PTPRD: variants seen among roughly 807,000 people sequenced by gnomAD.
PTPRD encodes the protein receptor-type tyrosine-protein phosphatase delta.
Under a neutral mutation model 214.5 loss-of-function variants are expected in PTPRD, and 34 were observed. The observed-to-expected ratio is 0.16, with a 90% CI of 0.12 to 0.21. PTPRD has a LOEUF of 0.21. Ranked by LOEUF, PTPRD falls within the 10% of genes least tolerant of loss-of-function variation. The pLI is 1.00. For synonymous variants in PTPRD, 1,128 were observed against 845.7 expected (o/e 1.33, Z -5.79); for missense variants, 2,545 against 2,398.7 (o/e 1.06, Z -1.27).
At chr9:8,505,940 C>G (rs760259066) in intron 22 of PTPRD, among the ~76,000 whole-genome samples, 1 of 152,120 alleles carries the variant, frequency 6.6e-6, no homozygotes, top group Admixed American at 6.5e-5. Flanking sequence ...ACAGAAAACA[C>G]CAATAGCTCA....
At chr9:8,984,964 T>G in intron 11 of PTPRD, among the ~76,000 whole-genome samples, 1 of 152,086 alleles carries the variant, frequency 6.6e-6, no homozygotes, top group Admixed American at 6.6e-5. Context: ...TTATTTGGGC[T>G]TTGGAAATGA....
chr9:8,373,101 A>G (rs920996209), intron 39 of PTPRD, among the ~76,000 whole-genome samples: 27 of 152,140 alleles, frequency 1.8e-4, no homozygotes, highest in African/African-American at 5.8e-4. Flanking sequence ...TAACATGGCT[A>G]TTGTGGCTTT....
At chr9:8,920,073 G>T (rs1588045619) in intron 11 of PTPRD, among the ~76,000 whole-genome samples, 1 of 152,094 alleles carries the variant, frequency 6.6e-6, no homozygotes, top group Non-Finnish European at 1.5e-5. Flanking sequence ...GGGTGCAGTG[G>T]CTCACAGCTG....
At chr9:9,785,672 T>C (rs2098917602) in intron 5 of PTPRD, among the ~76,000 whole-genome samples, 1 of 152,052 alleles carries the variant, frequency 6.6e-6, no homozygotes, top group Admixed American at 6.6e-5. Context: ...GTAATTTGGG[T>C]GCTGGAACAG....
chr9:10,194,207 A>T (rs553608390), intron 3 of PTPRD, among the ~76,000 whole-genome samples: 293 of 151,798 alleles, frequency 1.9e-3, no homozygotes, highest in Non-Finnish European at 2.9e-3. Flanking sequence ...TTTATTCTGG[A>T]CTGTCCCTTA....
intron 3 of PTPRD, among the ~76,000 whole-genome samples, chr9:10,317,777 T>C (rs1433733344): frequency 6.6e-6 from 1 of 152,014 alleles, no homozygotes; most frequent in Admixed American, 6.6e-5. Flanking sequence ...GGCCCCAATG[T>C]GGTCTATAAG....
chr9:9,570,449 G>C (rs2086016330), intron 8 of PTPRD, among the ~76,000 whole-genome samples: 1 of 151,476 alleles, frequency 6.6e-6, no homozygotes, highest in African/African-American at 2.4e-5. Flanking sequence ...TATGTGGTTT[G>C]TGTTTCTTAA....
At chr9:9,357,536 T>A (rs1360819829) in intron 9 of PTPRD, among the ~76,000 whole-genome samples, 1 of 151,166 alleles carries the variant, frequency 6.6e-6, no homozygotes, top group East Asian at 1.9e-4. Context: ...TTTGCAGCTT[T>A]CAGAAGACCT....
chr9:9,600,455 A>C (rs892096726), intron 7 of PTPRD, among the ~76,000 whole-genome samples: 1 of 152,068 alleles, frequency 6.6e-6, no homozygotes, highest in Non-Finnish European at 1.5e-5. Context: ...AGGTTTAGGT[A>C]CATCATCGAG....
chr9:9,630,609 T>C (rs1409197174), intron 7 of PTPRD, among the ~76,000 whole-genome samples: 1 of 152,232 alleles, frequency 6.6e-6, no homozygotes, highest in African/African-American at 2.4e-5. Context: ...AAATGCCATT[T>C]AAAAGAGCTG....
intron 14 of PTPRD, among the ~76,000 whole-genome samples, chr9:8,556,553 A>ATTTTATATTTCTTTTTTTTT (rs761184510): frequency 1.4e-3 from 207 of 151,892 alleles, no homozygotes; most frequent in Non-Finnish European, 2.5e-3. Context: ...ATACTTGTGT[A>ATTTTATATTTCTTTTTTTTT]TTTTATATTT....
chr9:10,136,425 TAC>T (rs1365686593), intron 3 of PTPRD, among the ~76,000 whole-genome samples: 2 of 152,120 alleles, frequency 1.3e-5, no homozygotes, highest in Non-Finnish European at 2.9e-5. Context: ...AACCGCAAAG[TAC>T]ACAGTCTTTT....
At chr9:9,400,986 A>G (rs1385833517) in intron 8 of PTPRD, among the ~76,000 whole-genome samples, 1 of 152,012 alleles carries the variant, frequency 6.6e-6, no homozygotes, top group Non-Finnish European at 1.5e-5. Context: ...TAAGTTGGAT[A>G]TTGTCCCAAT....
intron 27 of PTPRD, among the ~76,000 whole-genome samples, chr9:8,491,601 C>G (rs772733272): frequency 4.0e-5 from 6 of 151,354 alleles, no homozygotes; most frequent in Non-Finnish European, 7.4e-5. Context: ...CATCATGCCC[C>G]TCACTGAATA....
At chr9:8,499,239 C>A (rs1224630247) in intron 25 of PTPRD, among the ~76,000 whole-genome samples, 2 of 152,134 alleles carry the variant, frequency 1.3e-5, no homozygotes, top group African/African-American at 4.8e-5. Flanking sequence ...AGAAGACACA[C>A]ATTTAGAAAT....
intron 9 of PTPRD, among the ~76,000 whole-genome samples, chr9:9,280,122 G>A (rs1947125364): frequency 6.6e-6 from 1 of 151,236 alleles, no homozygotes; most frequent in Non-Finnish European, 1.5e-5. Flanking sequence ...CTTGCCTGGG[G>A]TCTGAGAAAA....
chr9:9,579,343 T>C (rs763560641), intron 7 of PTPRD, among the ~76,000 whole-genome samples: 1 of 152,152 alleles, frequency 6.6e-6, no homozygotes, highest in Non-Finnish European at 1.5e-5. Context: ...ATCTATGTTG[T>C]ATAAGTAAGA....
At chr9:9,724,976 G>A (rs4273904) in intron 7 of PTPRD, among the ~76,000 whole-genome samples, 86,579 of 151,946 alleles carry the variant, frequency 0.57, 26,584 homozygotes, top group African/African-American at 0.78. Context: ...AGTTTATTTG[G>A]TGTCCCTTCC....
intron 7 of PTPRD, among the ~76,000 whole-genome samples, chr9:9,612,105 T>C (rs1477058971): frequency 6.6e-6 from 1 of 152,144 alleles, no homozygotes. Context: ...TGAAAATATA[T>C]GTAAATGAAT....
Sources: gnomAD v4.1 joint callset for allele counts (sites outside exome capture counted in the v4.1 genomes callset) on GRCh38, gnomAD v4.1.1 for gene constraint, MANE v1.5 for transcripts, NCBI Gene and HGNC (gene_info 2026-07-23, HGNC 2026-07-21) for gene names.